The following FLRT1 variants were observed in gnomAD, a reference collection of about 807,000 sequenced individuals.
The protein encoded by FLRT1 is leucine-rich repeat transmembrane protein FLRT1.
Under a neutral mutation model 30.9 loss-of-function variants are expected in FLRT1, and 14 were observed. The ratio of observed to expected loss-of-function variants is 0.45; its 90% CI spans 0.30 to 0.71. FLRT1 has a LOEUF of 0.71. Ranked by LOEUF, FLRT1 falls within the 30% of genes least tolerant of loss-of-function variation. FLRT1 has a pLI of 0.08. For synonymous variants in FLRT1, 368 were observed against 430.4 expected, an observed-to-expected ratio of 0.85 and a Z score of 1.80; for missense variants, 737 against 949.2, an observed-to-expected ratio of 0.78 and a Z score of 2.94.
chr11:64,039,374 G>A (rs1174277932), intron 1 of FLRT1, among the ~76,000 whole-genome samples: 1 of 152,176 alleles, frequency 6.6e-6, no homozygotes, highest in East Asian at 1.9e-4. Flanking sequence ...CCTGGCTGCT[G>A]CCCCCGGTGT....
intron 2 of FLRT1, among the ~76,000 whole-genome samples, chr11:64,106,220 C>A (rs1944761275): frequency 6.6e-6 from 1 of 152,152 alleles, no homozygotes; most frequent in African/African-American, 2.4e-5. Flanking sequence ...CACCCCTCTG[C>A]CATCTGCTGC....
intron 1 of FLRT1, among the ~76,000 whole-genome samples, chr11:64,040,198 C>G (rs578232058): frequency 6.6e-6 from 1 of 151,574 alleles, no homozygotes; most frequent in Non-Finnish European, 1.5e-5. Flanking sequence ...ACCTCTTCCC[C>G]GTGAAGCCTT....
At chr11:64,039,134 T>C (rs1943437203) in intron 1 of FLRT1, among the ~76,000 whole-genome samples, 2 of 152,056 alleles carry the variant, frequency 1.3e-5, no homozygotes, top group African/African-American at 4.8e-5. Flanking sequence ...CAAGGGGCAG[T>C]GGGAAATGCC....
At chr11:64,037,417 C>CGGGAGGA (rs1943403389) in intron 1 of FLRT1, among the ~76,000 whole-genome samples, 1 of 152,178 alleles carries the variant, frequency 6.6e-6, no homozygotes, top group Non-Finnish European at 1.5e-5. Context: ...CCGCCAGCCC[C>CGGGAGGA]GGGAGGAGAG....
intron 1 of FLRT1, among the ~76,000 whole-genome samples, chr11:64,079,391 G>C (rs1944264014): frequency 6.6e-6 from 1 of 152,004 alleles, no homozygotes; most frequent in Non-Finnish European, 1.5e-5. Context: ...TAGGAGGGAA[G>C]GGGGTCGTTG....
chr11:64,117,229 C>A lies in FLRT1; in HGVS notation c.962C>A (p.Ala321Asp), dbSNP rs368973071. Residue 321 changes from alanine to aspartate, a missense_variant, in exon 3 of 3, where the codon GCC becomes GAC. By Grantham distance (126) the Ala-to-Asp change is moderately radical. Transcript: ENST00000682287. The part of the protein sequence containing the change: ...RGLFDDLGNL[A>D]QLLLRNNPWF... ...CTGTTCGACGACCTGGGGAACCTGG[C>A]CCAGCTGCTGCTCAGGAACAACCCT... The A allele has an allele frequency of 3.7e-6, 6 of 1,614,178 alleles. No homozygotes were observed. The Middle Eastern group carries it at 6.6e-4, about 178-fold the overall frequency.
At chr11:64,075,997 G>C (rs925312032) in intron 1 of FLRT1, among the ~76,000 whole-genome samples, 3 of 152,210 alleles carry the variant, frequency 2.0e-5, no homozygotes, top group Non-Finnish European at 1.5e-5. Context: ...TTGGCATGCT[G>C]CTACCTCAGG....
rs775895164 is a variant in FLRT1 at position 64,116,588 on chromosome 11, C to T, written c.321C>T (p.Asn107=). The T allele has an allele frequency of 2.2e-5, 35 of 1,614,008 alleles. No homozygotes were observed. The highest frequency in any genetic ancestry group is 5.3e-5 in the African/African-American group (4 of 74,940). ...GIPQDLKTKV[N]VQVIYLYEND... ...CCCAGGACCTCAAGACCAAGGTCAA[C>T]GTGCAGGTCATCTACCTATACGAGA... is the stretch of plus-strand genomic sequence containing the variant. The change falls in exon 3 of 3, where the codon AAC becomes AAT. Residue 107 remains asparagine, a synonymous_variant. Coordinates refer to ENST00000682287, the MANE Select transcript of FLRT1 (RefSeq NM_013280.5).
At chr11:64,061,466 A>C (rs1943902466) in intron 1 of FLRT1, among the ~76,000 whole-genome samples, 1 of 151,948 alleles carries the variant, frequency 6.6e-6, no homozygotes, top group African/African-American at 2.4e-5. Flanking sequence ...TGGGCTTTCC[A>C]AGTCCCCTGC....
intron 2 of FLRT1, among the ~76,000 whole-genome samples, chr11:64,112,009 G>A (rs76098354): frequency 0.012 from 1,829 of 152,278 alleles, 59 homozygotes; most frequent in Admixed American, 0.07. Context: ...CTGCAGCCAC[G>A]CAGCCCTGGG....
At chr11:64,113,893 T>TGGAC (rs1944913982) in intron 2 of FLRT1, among the ~76,000 whole-genome samples, 1 of 148,130 alleles carries the variant, frequency 6.8e-6, no homozygotes, top group Non-Finnish European at 1.5e-5. Flanking sequence ...GATGGATGGA[T>TGGAC]GGATGGATGG....
rs908069417 is a variant in FLRT1 at position 64,118,704 on chromosome 11, G to A, written c.*412G>A. ...AAGGAACCGCCAGGGAGAAGCAGCC[G>A]GCTCTCAAAGCTCCCACGCAGCTCT... On this transcript the variant is annotated 3_prime_UTR_variant, in exon 3 of 3. Transcript: ENST00000682287. 2 of 171,900 alleles carry A rather than the reference G, an allele frequency of 1.2e-5. No individual in the cohort carries two copies. The highest frequency in any genetic ancestry group is 2.8e-5 in the Non-Finnish European group (2 of 71,684). 10.6% of individuals were successfully genotyped at this position (171,900 alleles called of 1,614,324 possible). A position where few individuals can be genotyped will look rare whatever the true frequency, so the allele number is the denominator to read the frequency against.
chr11:64,068,007 G>A (rs1436275026), intron 1 of FLRT1, among the ~76,000 whole-genome samples: 6 of 152,128 alleles, frequency 3.9e-5, no homozygotes, highest in African/African-American at 4.8e-5. Flanking sequence ...AGCTCAGAAC[G>A]GAAAACCGCC....
intron 1 of FLRT1, among the ~76,000 whole-genome samples, chr11:64,065,778 C>A (rs1158275388): frequency 2.1e-4 from 28 of 132,130 alleles, no homozygotes; most frequent in Non-Finnish European, 2.9e-4. Flanking sequence ...CGACAGAGCA[C>A]GACTCCGCCT....
chr11:64,038,200 C>T (rs547629393), intron 1 of FLRT1, among the ~76,000 whole-genome samples: 3 of 152,194 alleles, frequency 2.0e-5, no homozygotes, highest in Non-Finnish European at 4.4e-5. Flanking sequence ...CCACTGGTCA[C>T]CCACTGCCAG....
At chr11:64,079,414 T>G in intron 1 of FLRT1, among the ~76,000 whole-genome samples, 1 of 149,646 alleles carries the variant, frequency 6.7e-6, no homozygotes, top group African/African-American at 2.5e-5. Context: ...GATGGGGGGG[T>G]GTGCGAAGAC....
At chr11:64,080,324 T>C (rs1215618004) in intron 1 of FLRT1, among the ~76,000 whole-genome samples, 2 of 152,208 alleles carry the variant, frequency 1.3e-5, no homozygotes, top group East Asian at 3.8e-4. Context: ...AATATTTTTC[T>C]TTATAAGCTT....
Position 64,104,106 on chromosome 11 carries a change from C to G in FLRT1, c.-125C>G, listed in dbSNP as rs1294345519. ...CTCACGGTGTCCTGAGTCGCGGCTT[C>G]GTGACTTTGGCAGGGGCCTCCGGAC... On this transcript the variant is annotated 5_prime_UTR_variant, in exon 2 of 3. Transcript: ENST00000682287. 6.6e-6 allele frequency: 1 copy of G among 152,268 alleles called. No individual in the cohort carries two copies. Among genetic ancestry groups the G allele is most frequent in the East Asian group, 1.9e-4 (1 of 5,274 alleles). 9.4% of individuals were successfully genotyped at this position (152,268 alleles called of 1,614,324 possible).
Position 64,118,145 on chromosome 11 carries a change from G to A in FLRT1, c.1878G>A (p.Pro626=), listed in dbSNP as rs143811913. The A allele has an allele frequency of 1.7e-4, 281 of 1,613,832 alleles. No individual in the cohort carries two copies. The African/African-American group carries it at 2.9e-3, about 17-fold the overall frequency. ...GGCTGCAGATGCTGCCCATCAACCC[G>A]TACCGCGCCAAAGAAGAGTACGTGG... ...GPGLQMLPIN[P]YRAKEEYVVH... is the part of the protein sequence containing the mutation. The change falls in exon 3 of 3, where the codon CCG becomes CCA. Residue 626 remains proline, a synonymous_variant. Coordinates refer to ENST00000682287, the MANE Select transcript of FLRT1 (RefSeq NM_013280.5).
Sources: gnomAD v4.1 joint callset for allele counts (sites outside exome capture counted in the v4.1 genomes callset) on GRCh38, gnomAD v4.1.1 for gene constraint, MANE v1.5 for transcripts, NCBI Gene and HGNC (gene_info 2026-07-23, HGNC 2026-07-21) for gene names.